The following MMAB variants were observed in gnomAD, a reference collection of about 807,000 sequenced individuals.
MMAB encodes the protein corrinoid adenosyltransferase MMAB.
A neutral mutation model predicts 30.6 loss-of-function variants in MMAB; 17 were observed. The ratio of observed to expected loss-of-function variants is 0.56; its 90% CI spans 0.38 to 0.83. The LOEUF (loss-of-function observed/expected upper bound fraction) is 0.83. MMAB is among the 40% of genes least tolerant of loss of function. The pLI is 0.00. For synonymous variants in MMAB, 134 were observed against 138.6 expected (o/e 0.97, Z 0.23); for missense variants, 311 against 331.6 (o/e 0.94, Z 0.48).
chr12:109,572,895 A>G (rs1884704696), intron 1 of MMAB, among the ~76,000 whole-genome samples: 1 of 152,232 alleles, frequency 6.6e-6, no homozygotes, highest in African/African-American at 2.4e-5. Flanking sequence ...TTAAAATGTG[A>G]CATTACAAGC....
intron 7 of MMAB, 66 bp downstream of exon 7, chr12:109,560,972 TCC>T: frequency 2.2e-5 from 10 of 464,378 alleles, no homozygotes; most frequent in Non-Finnish European, 2.9e-5. Flanking sequence ...CCTCTCCCTC[TCC>T]CTCCCCCCTC....
chr12:109,573,400 G>A lies in MMAB; in HGVS notation c.81C>T (p.Leu27=). ...CGCGGCTCTGGAAACGGGGATACAG[G>A]AGCCTGGCGGCGCCGAAGCACCCGC... ...GLRGCFGAAR[L]LYPRFQSRGP... Residue 27 remains leucine, a synonymous_variant, in exon 1 of 9, where the codon CTC becomes CTT. Coordinates refer to ENST00000545712, the MANE Select transcript of MMAB (RefSeq NM_052845.4). 1 of 1,611,564 alleles carries A rather than the reference G, an allele frequency of 6.2e-7. No individual in the cohort carries two copies. Among genetic ancestry groups the A allele is most frequent in the Middle Eastern group, 1.7e-4 (1 of 5,890 alleles).
intron 4 of MMAB, 173 bp downstream of exon 4, chr12:109,564,946 G>C: frequency 1.4e-6 from 1 of 733,284 alleles, no homozygotes. Context: ...GAGATTGCAG[G>C]TGTGAGCCAC....
chr12:109,573,364 G>C lies in MMAB; in HGVS notation c.117C>G (p.Gly39=). The change falls in exon 1 of 9, where the codon GGC becomes GGG. Residue 39 remains glycine (G), a synonymous_variant. Coordinates refer to ENST00000545712, the MANE Select transcript of MMAB (RefSeq NM_052845.4). ...CCACTCACCTGTCCCCGTCTTCCACGCCCTGAGGGCCGCGGCTCTGGAAAC... is the reference window on the plus strand; with the variant it reads ...CCACTCACCTGTCCCCGTCTTCCACCCCCTGAGGGCCGCGGCTCTGGAAAC... The part of the protein sequence containing the change: ...YPRFQSRGPQ[G]VEDGDRPQPS... 1 of 1,613,120 alleles carries C rather than the reference G, an allele frequency of 6.2e-7. No homozygotes were observed. The highest frequency in any genetic ancestry group is 2.2e-5 in the East Asian group (1 of 44,860).
chr12:109,566,536 C>T (rs548917740), intron 3 of MMAB, among the ~76,000 whole-genome samples: 5 of 152,320 alleles, frequency 3.3e-5, no homozygotes, highest in Admixed American at 3.3e-4. Flanking sequence ...ACCTGCTTGC[C>T]GAGGGATGCC....
At chr12:109,567,119 G>A (rs1002268361) in intron 3 of MMAB, 9 of 446,054 alleles carry the variant, frequency 2.0e-5, no homozygotes, top group Non-Finnish European at 4.0e-5. Context: ...GCAGTGAGCC[G>A]AGATCACACC....
chr12:109,556,648 T>TCTCTCTCTCTCACACACACA lies in MMAB; in HGVS notation c.*379_*380insTGTGTGTGTGAGAGAGAGAG, dbSNP rs1555273916. The stretch of plus-strand genomic sequence containing the variant: ...GAGCTGGCAGTGGGAGGGCTCTCTC[T>TCTCTCTCTCTCACACACACA]CACACACACACACACACACACACAC... On this transcript the variant is annotated 3_prime_UTR_variant, in exon 9 of 9. Transcript: ENST00000545712. 13 of 328,308 alleles carry TCTCTCTCTCTCACACACACA rather than the reference T, an allele frequency of 4.0e-5. No homozygotes were observed. The highest frequency in any genetic ancestry group is 3.5e-4 in the African/African-American group (12 of 33,958). The allele number at this position is 328,308 out of a possible 1,614,324, so 20.3% of individuals were successfully genotyped here. A position where few individuals can be genotyped will look rare whatever the true frequency, so the allele number is the denominator to read the frequency against.
intron 8 of MMAB, among the ~76,000 whole-genome samples, chr12:109,557,694 T>C (rs1592994936): frequency 6.6e-6 from 1 of 152,218 alleles, no homozygotes. Context: ...CAGTGTAGGA[T>C]GCTGACAGCA....
Position 109,556,252 on chromosome 12 carries a change from C to A in MMAB, c.*776G>T, listed in dbSNP as rs1298880585. The A allele has an allele frequency of 2.2e-6, 1 of 454,044 alleles. No homozygotes were observed. Among genetic ancestry groups the A allele is most frequent in the Non-Finnish European group, 4.4e-6 (1 of 226,778 alleles). The allele number at this position is 454,044 out of a possible 1,614,324, so 28.1% of individuals were successfully genotyped here. A position where few individuals can be genotyped will look rare whatever the true frequency, so the allele number is the denominator to read the frequency against. ...TGTCAGCCTTGCTGGAAACTGACAA[C>A]CTCATTTTCTCAAGCTGAAGATGCT... On this transcript the variant is annotated 3_prime_UTR_variant, in exon 9 of 9. Coordinates refer to ENST00000545712, the MANE Select transcript of MMAB (RefSeq NM_052845.4).
rs1439180009 is a variant in MMAB at position 109,561,083 on chromosome 12, C to T, written c.541G>A (p.Ala181Thr). The T allele has an allele frequency of 6.2e-7, 1 of 1,610,986 alleles. No homozygotes were observed. The highest frequency in any genetic ancestry group is 1.3e-5 in the African/African-American group (1 of 74,982). ...CACACGGCCCGGCAGAAATGCAGCG[C>T]CGAGCTGATCTTGCCTCCCGACTGA... The part of the protein sequence containing the change: ...ILPSGGKISS[A>T]LHFCRAVCRR... Residue 181 changes from alanine (A) to threonine (T), a missense_variant, in exon 7 of 9, where the codon GCG becomes ACG. Coordinates refer to ENST00000545712, the MANE Select transcript of MMAB (RefSeq NM_052845.4). The surrounding 1 kb of genome is among the most constrained non-coding windows in gnomAD (Gnocchi z 5.3).
chr12:109,561,688 G>T lies in MMAB; in HGVS notation c.421+92C>A. ...AGCAAGGCTAACTGACCCACCCGTGGGTCCCTGGGGGCCTGGGATCCCAGA... is the reference window on the plus strand; with the variant it reads ...AGCAAGGCTAACTGACCCACCCGTGTGTCCCTGGGGGCCTGGGATCCCAGA... On this transcript the variant is annotated intron_variant, in intron 5 of 8. Coordinates refer to ENST00000545712, the MANE Select transcript of MMAB (RefSeq NM_052845.4). The surrounding 1 kb of genome is among the most constrained non-coding windows in gnomAD (Gnocchi z 5.3). 1 of 1,331,612 alleles carries T rather than the reference G, an allele frequency of 7.5e-7. No individual in the cohort carries two copies. Among genetic ancestry groups the T allele is most frequent in the Non-Finnish European group, 1.1e-6 (1 of 948,904 alleles). The allele number at this position is 1,331,612 out of a possible 1,614,324, so 82.5% of individuals were successfully genotyped here. A position where few individuals can be genotyped will look rare whatever the true frequency, so the allele number is the denominator to read the frequency against.
chr12:109,567,249 T>C (rs376538530), intron 3 of MMAB: 3 of 351,228 alleles, frequency 8.5e-6, no homozygotes, highest in South Asian at 6.7e-5. Context: ...GGGTGAAACA[T>C]GGAATCATCT....
intron 4 of MMAB, among the ~76,000 whole-genome samples, chr12:109,563,652 G>A (rs558844983): frequency 6.1e-4 from 93 of 152,340 alleles, no homozygotes; most frequent in African/African-American, 2.0e-3. Flanking sequence ...GCGACCCAAC[G>A]CGTACAGCAG....
chr12:109,556,163 C>T lies in MMAB; in HGVS notation c.*865G>A, dbSNP rs747795331. ...CAGTGACAACTGAAATAAATACAGC[C>T]GTGGCACCGATCTCAGAGGCATAAG... On this transcript the variant is annotated 3_prime_UTR_variant, in exon 9 of 9. Transcript: ENST00000545712. 7.9e-5 allele frequency: 36 copies of T among 453,554 alleles called. No homozygotes were observed. Among genetic ancestry groups the T allele is most frequent in the South Asian group, 5.1e-4 (33 of 64,458 alleles). 28.1% of individuals were successfully genotyped at this position (453,554 alleles called of 1,614,324 possible).
At chr12:109,557,205 C>G in intron 8 of MMAB, 69 bp from the exon 9 acceptor site, 2 of 1,010,376 alleles carry the variant, frequency 2.0e-6, no homozygotes, top group Non-Finnish European at 3.2e-6. Context: ...ACTGGGTCTT[C>G]CCATATCCGC....
chr12:109,559,291 G>T, intron 7 of MMAB, 136 bp from the exon 8 acceptor site: 1 of 728,092 alleles, frequency 1.4e-6, no homozygotes, highest in East Asian at 2.7e-5. Flanking sequence ...CGGCAGTGGA[G>T]ATGACAAATC....
Position 109,565,131 on chromosome 12 carries a change from T to G in MMAB, c.336A>C (p.Glu112Asp). The change falls in exon 4 of 9, where the codon GAA becomes GAC. Residue 112 changes from glutamate to aspartate, a missense_variant. Coordinates refer to ENST00000545712, the MANE Select transcript of MMAB (RefSeq NM_052845.4). The stretch of plus-strand genomic sequence containing the variant: ...TGGTGTTACTCACTTTCTGAAGCTC[T>G]TCGGCAAATGTATGGCCCTTTTCTG... The part of the protein sequence containing the change: ...LVTEKGHTFA[E>D]ELQKIQCTLQ... 1 of 1,614,044 alleles carries G rather than the reference T, an allele frequency of 6.2e-7. No individual in the cohort carries two copies. The highest frequency in any genetic ancestry group is 8.5e-7 in the Non-Finnish European group (1 of 1,179,880).
intron 4 of MMAB, among the ~76,000 whole-genome samples, chr12:109,564,097 C>T (rs1211933329): frequency 1.3e-5 from 2 of 152,250 alleles, no homozygotes; most frequent in Non-Finnish European, 2.9e-5. Context: ...GCACTTCACA[C>T]CGGCTTTCTC....
In MMAB at chr12:109,571,694, T is replaced by C. The variant is rs747948804; in HGVS notation, c.151A>G (p.Lys51Glu). 4 of 1,614,154 alleles carry C rather than the reference T, an allele frequency of 2.5e-6. No homozygotes were observed. The highest frequency in any genetic ancestry group is 3.4e-6 in the Non-Finnish European group (4 of 1,179,990). Residue 51 changes from lysine (K) to glutamate (E), a missense_variant, in exon 2 of 9, where the codon AAG becomes GAG. Transcript: ENST00000545712. ...EDGDRPQPSS[K>E]TPRIPKIYTK... ...TAAATCTTGGGGATCCTGGGTGTCT[T>C]CGAGGAAGGCTGTGGCCTAATGAGA...
Sources: allele counts gnomAD v4.1 joint callset (sites outside exome capture counted in the v4.1 genomes callset), GRCh38; gene constraint gnomAD v4.1.1; non-coding constraint Gnocchi (gnomAD v3.1); transcripts MANE v1.5; gene names NCBI Gene and HGNC (gene_info 2026-07-23, HGNC 2026-07-21).